Variants in DLGAP2 observed in about 807,000 individuals in gnomAD.
The protein encoded by DLGAP2 is disks large-associated protein 2.
A neutral mutation model predicts 100.3 loss-of-function variants in DLGAP2; 26 were observed. The ratio of observed to expected loss-of-function variants is 0.26; its 90% CI spans 0.19 to 0.36. DLGAP2 has a LOEUF of 0.36. DLGAP2 is among the 10% of genes least tolerant of loss of function. The pLI is 1.00. For synonymous variants in DLGAP2, 886 were observed against 630.1 expected (o/e 1.41, Z -6.08); for missense variants, 1,858 against 1,453.2 (o/e 1.28, Z -4.53).
At chr8:772,062 T>A (rs963584872) in intron 1 of DLGAP2, among the ~76,000 whole-genome samples, 1 of 152,010 alleles carries the variant, frequency 6.6e-6, no homozygotes, top group African/African-American at 2.4e-5. Flanking sequence ...CCACTATGCC[T>A]GGCTAATTTT....
intron 3 of DLGAP2, among the ~76,000 whole-genome samples, chr8:1,361,801 C>T (rs974502676): frequency 2.6e-5 from 4 of 152,168 alleles, no homozygotes; most frequent in Admixed American, 6.5e-5. Flanking sequence ...AATCCACCTC[C>T]GTGAGTCAAA....
At chr8:852,925 A>G (rs1459273262) in intron 1 of DLGAP2, among the ~76,000 whole-genome samples, 2 of 152,204 alleles carry the variant, frequency 1.3e-5, no homozygotes, top group African/African-American at 4.8e-5. Flanking sequence ...TTTTGGTAAA[A>G]CTGGCTGTTC....
At chr8:1,092,537 A>T (rs950082715) in intron 2 of DLGAP2, among the ~76,000 whole-genome samples, 12 of 152,300 alleles carry the variant, frequency 7.9e-5, no homozygotes, top group African/African-American at 2.9e-4. Flanking sequence ...TCCTGGCAGG[A>T]AGAGGGGGCT....
At chr8:1,257,475 C>G (rs531385888) in intron 2 of DLGAP2, among the ~76,000 whole-genome samples, 1 of 151,092 alleles carries the variant, frequency 6.6e-6, no homozygotes, top group Non-Finnish European at 1.5e-5. Flanking sequence ...CTGCTGCTGT[C>G]CCCTGCCTGT....
At chr8:1,431,672 C>A (rs535235387) in intron 3 of DLGAP2, among the ~76,000 whole-genome samples, 1 of 152,324 alleles carries the variant, frequency 6.6e-6, no homozygotes, top group African/African-American at 2.4e-5. Context: ...TCCAGTGTAG[C>A]TTTCAGTCCG....
intron 3 of DLGAP2, among the ~76,000 whole-genome samples, chr8:1,277,211 G>C (rs1675481418): frequency 6.6e-6 from 1 of 152,120 alleles, no homozygotes; most frequent in African/African-American, 2.4e-5. Context: ...TGAATTTTTG[G>C]AACCCAGGAG....
intron 3 of DLGAP2, among the ~76,000 whole-genome samples, chr8:1,464,266 A>T (rs1584929542): frequency 8.8e-6 from 1 of 114,026 alleles, no homozygotes; most frequent in Admixed American, 8.7e-5. Flanking sequence ...CCCTTCCAGG[A>T]CGGCACCCTT....
intron 2 of DLGAP2, among the ~76,000 whole-genome samples, chr8:1,007,586 A>C (rs1269151256): frequency 6.9e-6 from 1 of 145,160 alleles, no homozygotes; most frequent in Non-Finnish European, 1.5e-5. Context: ...TTAAGGCTGA[A>C]GGCACCAGTG....
At chr8:1,214,228 C>G (rs1283921051) in intron 2 of DLGAP2, among the ~76,000 whole-genome samples, 1 of 152,190 alleles carries the variant, frequency 6.6e-6, no homozygotes, top group African/African-American at 2.4e-5. Flanking sequence ...TTAAATGCCC[C>G]TCCTCAGCAA....
chr8:823,053 TC>T (rs1220059668), intron 1 of DLGAP2, among the ~76,000 whole-genome samples: 2 of 152,120 alleles, frequency 1.3e-5, no homozygotes, highest in Non-Finnish European at 2.9e-5. Context: ...GGTCTAAATT[TC>T]AGGGGGGGCC....
chr8:1,149,720 T>A (rs1228337719), intron 2 of DLGAP2, among the ~76,000 whole-genome samples: 3 of 152,254 alleles, frequency 2.0e-5, no homozygotes, highest in African/African-American at 7.2e-5. Context: ...TATTCTCCAC[T>A]TATTTTATAT....
intron 6 of DLGAP2, among the ~76,000 whole-genome samples, chr8:1,614,633 C>G (rs910288644): frequency 2.5e-4 from 38 of 152,250 alleles, no homozygotes; most frequent in African/African-American, 9.2e-4. Flanking sequence ...GCCTCTGCCT[C>G]TGCAGTGCTG....
intron 1 of DLGAP2, among the ~76,000 whole-genome samples, chr8:775,059 C>T (rs1216259576): frequency 6.6e-6 from 1 of 152,132 alleles, no homozygotes; most frequent in East Asian, 1.9e-4. Context: ...CGAAGAGGTC[C>T]TTCTCGTCCC....
chr8:797,559 T>G (rs1260642091), intron 1 of DLGAP2, among the ~76,000 whole-genome samples: 1 of 152,144 alleles, frequency 6.6e-6, no homozygotes, highest in Non-Finnish European at 1.5e-5. Flanking sequence ...TTCTCTTGGG[T>G]AAATGCTAGG....
At chr8:1,341,679 C>T (rs1801421594) in intron 3 of DLGAP2, among the ~76,000 whole-genome samples, 1 of 152,170 alleles carries the variant, frequency 6.6e-6, no homozygotes, top group African/African-American at 2.4e-5. Context: ...CCTAGGGAAA[C>T]AGAGATGAGC....
chr8:1,633,065 C>T lies in DLGAP2; in HGVS notation c.1810+19C>T. On this transcript the variant is annotated intron_variant, in intron 8 of 14. Transcript: ENST00000637795. ...ACAGCAGGTAAGGGGACGCCATTTT[C>T]AGCCTTCCAGCGGGGACTCTAGAGG... 1 of 1,613,638 alleles carries T rather than the reference C, an allele frequency of 6.2e-7. No individual in the cohort carries two copies. Among genetic ancestry groups the T allele is most frequent in the Non-Finnish European group, 8.5e-7 (1 of 1,179,632 alleles).
chr8:747,721 GTCTGCGGTGGGATGGGGGGGC>G (rs1190503781), intron 1 of DLGAP2, among the ~76,000 whole-genome samples: 2 of 59,078 alleles, frequency 3.4e-5, no homozygotes, highest in Non-Finnish European at 7.0e-5. Flanking sequence ...GAATGAACGT[GTCTGCGGTGGGATGGGGGGGC>G]TCTGCGGTGG....
chr8:776,781 G>A (rs368139488), intron 1 of DLGAP2, among the ~76,000 whole-genome samples: 20 of 152,236 alleles, frequency 1.3e-4, no homozygotes, highest in South Asian at 4.2e-4. Context: ...TATGTGGTCA[G>A]TTTTGGAATA....
chr8:1,353,176 G>A (rs1801774541), intron 3 of DLGAP2, among the ~76,000 whole-genome samples: 1 of 152,216 alleles, frequency 6.6e-6, no homozygotes, highest in Non-Finnish European at 1.5e-5. Flanking sequence ...TTGATTTTCA[G>A]AGGCAGGTAA....
Sources: gnomAD v4.1 joint callset for allele counts (sites outside exome capture counted in the v4.1 genomes callset) on GRCh38, gnomAD v4.1.1 for gene constraint, MANE v1.5 for transcripts, NCBI Gene and HGNC (gene_info 2026-07-23, HGNC 2026-07-21) for gene names.